SDK1: variants seen among roughly 807,000 people sequenced by gnomAD.
The protein encoded by SDK1 is protein sidekick-1.
Under a neutral mutation model 245.5 loss-of-function variants are expected in SDK1, and 157 were observed. The observed-to-expected ratio is 0.64, with a 90% CI of 0.56 to 0.73. The LOEUF is 0.73. Ranked by LOEUF, SDK1 falls within the 30% of genes least tolerant of loss-of-function variation. The pLI is 0.00. For synonymous variants in SDK1, 1,647 were observed against 1,278.5 expected (o/e 1.29, Z -6.15); for missense variants, 3,583 against 3,002.3 (o/e 1.19, Z -4.52).
At chr7:3,822,747 A>T (rs1779676413) in intron 5 of SDK1, among the ~76,000 whole-genome samples, 1 of 151,812 alleles carries the variant, frequency 6.6e-6, no homozygotes, top group African/African-American at 2.4e-5. Flanking sequence ...CAGCCTGGGC[A>T]GAAAGAATGA....
At chr7:3,513,772 T>C (rs1782652123) in intron 1 of SDK1, among the ~76,000 whole-genome samples, 1 of 152,134 alleles carries the variant, frequency 6.6e-6, no homozygotes, top group Admixed American at 6.5e-5. Flanking sequence ...GTTTTATAAC[T>C]TTTCAGTCTA....
At chr7:4,255,734 C>A (rs1787580055) in intron 44 of SDK1, among the ~76,000 whole-genome samples, 1 of 152,114 alleles carries the variant, frequency 6.6e-6, no homozygotes, top group African/African-American at 2.4e-5. Flanking sequence ...GCAGCCCTGC[C>A]TTGTTGCCAC....
At chr7:3,552,228 G>A (rs901953435) in intron 1 of SDK1, among the ~76,000 whole-genome samples, 7 of 152,018 alleles carry the variant, frequency 4.6e-5, no homozygotes, top group Non-Finnish European at 1.0e-4. Context: ...TAGTAGAGAC[G>A]GGGTTTCACT....
Position 4,158,938 on chromosome 7 carries a change from C to T in SDK1, c.4729+387C>T, listed in dbSNP as rs138625368. ...GCAGGTAAGTGATGGGAAGCGAGGT[C>T]TCCTCAGAGCTCCAGGTGGCGTTTT... On this transcript the variant is annotated intron_variant, in intron 31 of 44. Coordinates refer to ENST00000404826, the MANE Select transcript of SDK1 (RefSeq NM_152744.4). Among the ~76,000 whole-genome samples the T allele has an allele frequency of 3.6e-3, 546 of 152,352 alleles. 2 individuals carry two copies. Among genetic ancestry groups the T allele is most frequent in the African/African-American group, 0.012 (481 of 41,586 alleles).
At chr7:3,346,411 A>G (rs906037449) in intron 1 of SDK1, among the ~76,000 whole-genome samples, 1 of 152,160 alleles carries the variant, frequency 6.6e-6, no homozygotes, top group Admixed American at 6.5e-5. Flanking sequence ...TGCCAGCACT[A>G]CAACGTACGT....
chr7:3,748,023 G>A (rs1414444808), intron 4 of SDK1, among the ~76,000 whole-genome samples: 1 of 152,008 alleles, frequency 6.6e-6, no homozygotes, highest in Non-Finnish European at 1.5e-5. Flanking sequence ...GTATATATTT[G>A]ATTATACTGT....
At chr7:4,207,772 G>A (rs1030111697) in intron 36 of SDK1, among the ~76,000 whole-genome samples, 20 of 152,138 alleles carry the variant, frequency 1.3e-4, no homozygotes, top group African/African-American at 4.3e-4. Flanking sequence ...CACATCATCG[G>A]CAGCTGAAGG....
chr7:3,654,358 C>T (rs1012733575), intron 4 of SDK1, among the ~76,000 whole-genome samples: 4 of 152,198 alleles, frequency 2.6e-5, no homozygotes, highest in African/African-American at 9.7e-5. Context: ...CATGAATAGT[C>T]TGCAGACTGC....
At chr7:3,759,051 A>G (rs548355419) in intron 4 of SDK1, among the ~76,000 whole-genome samples, 8 of 152,294 alleles carry the variant, frequency 5.3e-5, no homozygotes, top group African/African-American at 1.4e-4. Flanking sequence ...TAGGTGTTCA[A>G]TGGTAGCATT....
intron 4 of SDK1, among the ~76,000 whole-genome samples, chr7:3,723,647 G>A (rs1778892964): frequency 6.7e-6 from 1 of 148,678 alleles, no homozygotes; most frequent in Admixed American, 6.7e-5. Flanking sequence ...CATTCAGTTA[G>A]TAAGTAAAAG....
chr7:4,068,802 A>C (rs888265063), intron 20 of SDK1, among the ~76,000 whole-genome samples: 2 of 150,764 alleles, frequency 1.3e-5, no homozygotes, highest in African/African-American at 4.9e-5. Flanking sequence ...GCTCACTGCA[A>C]CCTCCACCTC....
intron 5 of SDK1, among the ~76,000 whole-genome samples, chr7:3,934,373 A>G (rs1780085906): frequency 6.6e-6 from 1 of 152,208 alleles, no homozygotes; most frequent in Non-Finnish European, 1.5e-5. Flanking sequence ...TTTATCTATT[A>G]AAGACACTTT....
At chr7:4,193,376 A>ATT (rs1783351563) in intron 35 of SDK1, among the ~76,000 whole-genome samples, 3 of 54,832 alleles carry the variant, frequency 5.5e-5, no homozygotes, top group Non-Finnish European at 1.2e-4. Context: ...AAATATTTAT[A>ATT]TATATATATA....
At chr7:3,490,930 G>T (rs938881398) in intron 1 of SDK1, among the ~76,000 whole-genome samples, 1 of 152,190 alleles carries the variant, frequency 6.6e-6, no homozygotes, top group Admixed American at 6.5e-5. Context: ...ACTAGTTTCT[G>T]TTAGGCATTC....
chr7:3,781,152 A>C (rs1394691785), intron 4 of SDK1, among the ~76,000 whole-genome samples: 1 of 152,098 alleles, frequency 6.6e-6, no homozygotes, highest in Non-Finnish European at 1.5e-5. Flanking sequence ...GCTTGTCCCA[A>C]GCAATGACTT....
At chr7:3,773,526 C>T (rs1426535415) in intron 4 of SDK1, among the ~76,000 whole-genome samples, 1 of 152,138 alleles carries the variant, frequency 6.6e-6, no homozygotes, top group African/African-American at 2.4e-5. Flanking sequence ...TATTAGCCAT[C>T]AGGGCTTTTT....
At chr7:3,542,686 C>T (rs774926179) in intron 1 of SDK1, among the ~76,000 whole-genome samples, 2 of 152,158 alleles carry the variant, frequency 1.3e-5, no homozygotes, top group African/African-American at 2.4e-5. Flanking sequence ...CTATGCCTTA[C>T]AGTACTATTG....
chr7:3,772,234 T>A (rs1409798644), intron 4 of SDK1, among the ~76,000 whole-genome samples: 1 of 152,112 alleles, frequency 6.6e-6, no homozygotes, highest in Non-Finnish European at 1.5e-5. Flanking sequence ...TGTAGTGACA[T>A]GTTTGAATTT....
At chr7:3,574,016 C>T (rs1044872933) in intron 1 of SDK1, among the ~76,000 whole-genome samples, 25 of 151,984 alleles carry the variant, frequency 1.6e-4, no homozygotes, top group Admixed American at 1.5e-3. Flanking sequence ...GTTTTCACTT[C>T]GGTTCTGCAG....
Sources: gnomAD v4.1 joint callset for allele counts (sites outside exome capture counted in the v4.1 genomes callset) on GRCh38, gnomAD v4.1.1 for gene constraint, MANE v1.5 for transcripts, NCBI Gene and HGNC (gene_info 2026-07-23, HGNC 2026-07-21) for gene names.